Variants in CMSS1 observed in about 807,000 individuals in gnomAD.
CMSS1 encodes the protein protein CMSS1.
In CMSS1, 33 loss-of-function variants were observed where a neutral mutation model predicts 43.5. The ratio of observed to expected loss-of-function variants is 0.76; its 90% CI spans 0.57 to 1.01. CMSS1 has a LOEUF of 1.01. CMSS1 is among the 50% of genes least tolerant of loss of function. The pLI, the probability that CMSS1 is intolerant of heterozygous loss-of-function variation, is 0.00. For missense variants in CMSS1, 313 were observed against 326.4 expected, an observed-to-expected ratio of 0.96 and a Z score of 0.32; for synonymous variants, 115 against 117.2, an observed-to-expected ratio of 0.98 and a Z score of 0.12.
At chr3:100,088,670 TCTC>T (rs892929620) in intron 1 of CMSS1, among the ~76,000 whole-genome samples, 2 of 152,144 alleles carry the variant, frequency 1.3e-5, no homozygotes, top group African/African-American at 4.8e-5. Flanking sequence ...CTCTTCTTTT[TCTC>T]CTCATCACTC....
chr3:100,058,056 C>T (rs1170667156), intron 1 of CMSS1, among the ~76,000 whole-genome samples: 1 of 152,208 alleles, frequency 6.6e-6, no homozygotes, highest in African/African-American at 2.4e-5. Context: ...TAATCCCAGG[C>T]AATATGCACA....
chr3:99,977,133 A>T (rs1708995889), intron 1 of CMSS1, among the ~76,000 whole-genome samples: 1 of 152,188 alleles, frequency 6.6e-6, no homozygotes, highest in South Asian at 2.1e-4. Context: ...ATTGTCATGG[A>T]GGGATGAAGC....
Position 99,855,732 on chromosome 3 carries a change from T to C in CMSS1, c.64+37689T>C, listed in dbSNP as rs578004576. ...AAGTGTGTATCTCTCAGAGCAGGGG[T>C]TTTTAAATGTTTGTTCTTATATCTG... On this transcript the variant is annotated intron_variant, in intron 1 of 9. Coordinates refer to ENST00000421999, the MANE Select transcript of CMSS1 (RefSeq NM_032359.4). Among the ~76,000 whole-genome samples the C allele has an allele frequency of 3.9e-5, 6 of 152,194 alleles. No homozygotes were observed. In the East Asian group the frequency reaches 1.2e-3, roughly 29 times the overall value.
chr3:99,967,273 A>C (rs1331228687), intron 1 of CMSS1, among the ~76,000 whole-genome samples: 1 of 152,124 alleles, frequency 6.6e-6, no homozygotes, highest in African/African-American at 2.4e-5. Context: ...ATTAATACTT[A>C]CCTCATGAGG....
At chr3:100,170,094 C>T (rs1006825203) in intron 6 of CMSS1, among the ~76,000 whole-genome samples, 14 of 152,190 alleles carry the variant, frequency 9.2e-5, no homozygotes, top group African/African-American at 3.4e-4. Flanking sequence ...TTTATAAGAA[C>T]ATCTGTTCTA....
At chr3:99,931,431 C>T (rs1436113777) in intron 1 of CMSS1, among the ~76,000 whole-genome samples, 1 of 152,154 alleles carries the variant, frequency 6.6e-6, no homozygotes, top group African/African-American at 2.4e-5. Context: ...TTCTAACTTT[C>T]TTCAGATTTA....
At chr3:99,923,700 G>A (rs1309616226) in intron 1 of CMSS1, among the ~76,000 whole-genome samples, 2 of 151,934 alleles carry the variant, frequency 1.3e-5, no homozygotes, top group South Asian at 2.1e-4. Context: ...TCCCTTAATC[G>A]TTCTTTAGGA....
intron 1 of CMSS1, among the ~76,000 whole-genome samples, chr3:100,058,758 G>T (rs940669016): frequency 6.6e-6 from 1 of 152,172 alleles, no homozygotes; most frequent in African/African-American, 2.4e-5. Flanking sequence ...GAAGGAGGAC[G>T]CTGTATAACC....
In CMSS1 at chr3:99,927,620, C is replaced by T. The variant is rs563701188; in HGVS notation, c.64+109577C>T. On this transcript the variant is annotated intron_variant, in intron 1 of 9. Transcript: ENST00000421999. ...CCGACCTCAGGTGATCTGCCTGCCT[C>T]GGCCTCCCAAAGTGCTGGGATTACA... Among the ~76,000 whole-genome samples the T allele has an allele frequency of 5.0e-4, 76 of 152,096 alleles. 1 individual carries two copies. The highest frequency in any genetic ancestry group is 2.1e-4 in the Non-Finnish European group (14 of 68,018).
intron 8 of CMSS1, among the ~76,000 whole-genome samples, chr3:100,174,267 C>G (rs12487143): frequency 3.9e-5 from 6 of 151,976 alleles, no homozygotes; most frequent in Non-Finnish European, 7.4e-5. Flanking sequence ...GATGGACTCT[C>G]AGGTTGGTTC....
At chr3:99,867,035 A>C (rs376302175) in intron 1 of CMSS1, among the ~76,000 whole-genome samples, 49 of 152,360 alleles carry the variant, frequency 3.2e-4, no homozygotes, top group African/African-American at 1.2e-3. Flanking sequence ...GAAAATGCAT[A>C]AACAGTCTGA....
intron 1 of CMSS1, among the ~76,000 whole-genome samples, chr3:99,825,056 T>G (rs921784063): frequency 1.9e-4 from 29 of 152,322 alleles, no homozygotes; most frequent in African/African-American, 7.0e-4. Context: ...CACACCAAAG[T>G]TAAACCTTTA....
intron 1 of CMSS1, among the ~76,000 whole-genome samples, chr3:99,899,316 T>TA (rs1706361535): frequency 6.6e-6 from 1 of 152,240 alleles, no homozygotes; most frequent in Non-Finnish European, 1.5e-5. Context: ...TATTACACTT[T>TA]ATGGGTGTTT....
chr3:99,832,543 T>TAAA (rs746255036), intron 1 of CMSS1, among the ~76,000 whole-genome samples: 1 of 42,418 alleles, frequency 2.4e-5, no homozygotes, highest in African/African-American at 1.3e-4. Context: ...CCCAAATCTT[T>TAAA]AAAAAAAAAA....
At chr3:100,004,123 A>G (rs1473122918) in intron 1 of CMSS1, among the ~76,000 whole-genome samples, 3 of 152,180 alleles carry the variant, frequency 2.0e-5, no homozygotes, top group African/African-American at 7.2e-5. Flanking sequence ...GGCTTCCTGC[A>G]TGATGCCTTC....
intron 1 of CMSS1, among the ~76,000 whole-genome samples, chr3:99,913,755 C>G (rs1333879618): frequency 6.6e-6 from 1 of 152,082 alleles, no homozygotes; most frequent in Non-Finnish European, 1.5e-5. Flanking sequence ...AGCATATATG[C>G]AAGATATAGT....
intron 1 of CMSS1, among the ~76,000 whole-genome samples, chr3:99,953,776 G>C (rs904660863): frequency 2.0e-5 from 3 of 152,150 alleles, no homozygotes; most frequent in Non-Finnish European, 2.9e-5. Flanking sequence ...ACAGAGAACT[G>C]CCCAAACAGT....
intron 1 of CMSS1, chr3:99,850,521 T>C (rs999556807): frequency 1.2e-6 from 2 of 1,613,132 alleles, no homozygotes; most frequent in Admixed American, 1.7e-5. Flanking sequence ...GCTCTTCATC[T>C]TTCCCTTCCA....
chr3:100,027,174 G>T (rs769761926), intron 1 of CMSS1, among the ~76,000 whole-genome samples: 8 of 151,888 alleles, frequency 5.3e-5, no homozygotes, highest in Non-Finnish European at 7.4e-5. Flanking sequence ...TCTGCTTTTT[G>T]TTTCTCCTTA....
Sources: gnomAD v4.1 joint callset for allele counts (sites outside exome capture counted in the v4.1 genomes callset) on GRCh38, gnomAD v4.1.1 for gene constraint, MANE v1.5 for transcripts, NCBI Gene and HGNC (gene_info 2026-07-23, HGNC 2026-07-21) for gene names.